The following GPR101 variants were observed in gnomAD, a reference collection of about 807,000 sequenced individuals.
GPR101 encodes the protein probable G protein-coupled receptor 101.
Under a neutral mutation model 16.4 loss-of-function variants are expected in GPR101, and 8 were observed. The observed-to-expected ratio is 0.49, with a 90% CI of 0.29 to 0.88. GPR101 has a LOEUF of 0.88. Among genes scored for constraint, GPR101 ranks in the 40% least tolerant of loss-of-function variants. GPR101 has a pLI of 0.09. For missense variants in GPR101, 375 were observed against 411.7 expected, an observed-to-expected ratio of 0.91 and a Z score of 0.77; for synonymous variants, 155 against 168.7, an observed-to-expected ratio of 0.92 and a Z score of 0.63.
rs181772834 is a variant in GPR101, at chrX:137,025,922, C to A, written c.*4226G>T. Among the ~76,000 whole-genome samples, 76 of 112,739 alleles carry A rather than the reference C, an allele frequency of 6.7e-4. No individual in the cohort carries two copies. Among genetic ancestry groups the A allele is most frequent in the East Asian group, 1.4e-3 (5 of 3,588 alleles). On this transcript the variant is annotated 3_prime_UTR_variant, in exon 2 of 2. Transcript: ENST00000651716. The stretch of plus-strand genomic sequence containing the variant: ...TGGAAAGAATTTATGACAAGGATTT[C>A]TCTTCTTTTTGGATTTTAGACTATC...
Position 137,028,214 on chromosome X carries a change from G to C in GPR101, c.*1934C>G, listed in dbSNP as rs1927196046. ...TACAAGTTCCAAATTAATGGAGTTG[G>C]AATTAATAAGGTTATCATGGTATTT... On this transcript the variant is annotated 3_prime_UTR_variant, in exon 2 of 2. Coordinates refer to ENST00000651716, the MANE Select transcript of GPR101 (RefSeq NM_054021.2). Among the ~76,000 whole-genome samples, 1 of 112,049 alleles carries C rather than the reference G, an allele frequency of 8.9e-6. No individual in the cohort carries two copies. The highest frequency in any genetic ancestry group is 3.7e-4 in the South Asian group (1 of 2,677).
In GPR101 at chrX:137,031,162, G is replaced by A. The variant is rs766310257; in HGVS notation, c.513C>T (p.Gly171=). ...CATTGCGCTCATCAAAGGCAGCCTG[G>A]CCCCAGCCGTAGAGTGGAGGAGTGC... ...LQSTPPLYGW[G]QAAFDERNAL... Residue 171 remains glycine (G), a synonymous_variant, in exon 2 of 2, where the codon GGC becomes GGT. Coordinates refer to ENST00000651716, the MANE Select transcript of GPR101 (RefSeq NM_054021.2). 5 of 1,210,307 alleles carry A rather than the reference G, an allele frequency of 4.1e-6. No individual in the cohort carries two copies. The highest frequency in any genetic ancestry group is 3.0e-5 in the East Asian group (1 of 33,761).
In GPR101 at chrX:137,030,310, G is replaced by A. The variant is rs1927233583; in HGVS notation, c.1365C>T (p.Gly455=). Residue 455 remains glycine (G), a synonymous_variant, in exon 2 of 2, where the codon GGC becomes GGT. Transcript: ENST00000651716. ...LQCCIHPYVY[G]YMHKTIKKEI... The stretch of plus-strand genomic sequence containing the variant: ...CCTTCTTAATGGTCTTGTGCATGTA[G>A]CCATAGACATAGGGGTGGATGCAGC... 1.7e-6 allele frequency: 2 copies of A among 1,211,223 alleles called. No homozygotes were observed. Among genetic ancestry groups the A allele is most frequent in the Middle Eastern group, 4.6e-4 (2 of 4,354 alleles).
At position 137,031,396 on chromosome X, in the gene GPR101, C is replaced by A. The variant is rs749221345; in HGVS notation, c.279G>T (p.Val93=). The A allele has an allele frequency of 8.4e-7, 1 of 1,191,524 alleles. No homozygotes were observed. The change falls in exon 2 of 2, where the codon GTG becomes GTT. Residue 93 remains valine, a synonymous_variant. Coordinates refer to ENST00000651716, the MANE Select transcript of GPR101 (RefSeq NM_054021.2). Reference sequence around the variant, plus strand: ...GGCTGTTGAGGGGCCAGAAGAGAGGCACAGAGGTGGCCACCACCCAGGGGG... The same window carrying A: ...GGCTGTTGAGGGGCCAGAAGAGAGGAACAGAGGTGGCCACCACCCAGGGGG... ...LVAPWVVATS[V]PLFWPLNSHF...
At position 137,030,901 on chromosome X, in the gene GPR101, A is replaced by G; in HGVS notation, c.774T>C (p.Asp258=). The G allele has an allele frequency of 2.5e-6, 3 of 1,210,789 alleles. No homozygotes were observed. Among genetic ancestry groups the G allele is most frequent in the Non-Finnish European group, 3.4e-6 (3 of 895,251 alleles). ...EGAEKKEEFQ[D]ESEFRRQHEG... ...CATGCTGGCGGCGAAACTCACTCTC[A>G]TCCTGGAACTCCTCCTTCTTCTCTG... is the stretch of plus-strand genomic sequence containing the variant. The change falls in exon 2 of 2, where the codon GAT becomes GAC. Residue 258 remains aspartate, a synonymous_variant. Transcript: ENST00000651716.
Position 137,031,000 on chromosome X carries a change from C to T in GPR101, c.675G>A (p.Leu225=), listed in dbSNP as rs781683243. The T allele has an allele frequency of 8.2e-7, 1 of 1,212,265 alleles. No individual in the cohort carries two copies. Among genetic ancestry groups the T allele is most frequent in the South Asian group, 1.8e-5 (1 of 57,024 alleles). ...AGCTGTGTCTCTTGACATTGTACAGCAGAGCATGCTGCCTCCGGGCTGCAC... is the reference window on the plus strand; with the variant it reads ...AGCTGTGTCTCTTGACATTGTACAGTAGAGCATGCTGCCTCCGGGCTGCAC... ...VFCAARRQHA[L]LYNVKRHSLE... is the part of the protein sequence containing the mutation. Residue 225 remains leucine (L), a synonymous_variant, in exon 2 of 2, where the codon CTG becomes CTA. Transcript: ENST00000651716.
Position 137,030,226 on chromosome X carries a change from G to C in GPR101, c.1449C>G (p.Ser483Arg), listed in dbSNP as rs759197265. 7 of 1,210,458 alleles carry C rather than the reference G, an allele frequency of 5.8e-6. No homozygotes were observed. The highest frequency in any genetic ancestry group is 6.7e-6 in the Non-Finnish European group (6 of 894,825). ...CCTCTGTTCCGGGCAGGTCTGGGTG[G>C]CTATCTTCTTTCGGGGGCTTTTCCT... Reference protein sequence around the residue: ...FCKEKPPKEDSHPDLPGTEGG... With the variant: ...FCKEKPPKEDRHPDLPGTEGG... Residue 483 changes from serine to arginine, a missense_variant, in exon 2 of 2, where the codon AGC becomes AGG. Transcript: ENST00000651716.
In GPR101 at chrX:137,030,709, T is replaced by G. The variant is rs780748438; in HGVS notation, c.966A>C (p.Glu322Asp). ...VASDGSMEGK[E>D]GSTKVEENSM... ...TGTTCTCCTCAACTTTGGTGCTGCCTTCCTTACCCTCCATGCTGCCGTCGC... is the reference window on the plus strand; with the variant it reads ...TGTTCTCCTCAACTTTGGTGCTGCCGTCCTTACCCTCCATGCTGCCGTCGC... Residue 322 changes from glutamate to aspartate, a missense_variant, in exon 2 of 2, where the codon GAA (glutamate) becomes GAC (aspartate). Coordinates refer to ENST00000651716, the MANE Select transcript of GPR101 (RefSeq NM_054021.2). The G allele has an allele frequency of 6.6e-6, 8 of 1,211,368 alleles. No individual in the cohort carries two copies. The highest frequency in any genetic ancestry group is 8.9e-6 in the Non-Finnish European group (8 of 895,368).
rs144787779 is a variant in GPR101 at position 137,031,408 on chromosome X, C to T, written c.267G>A (p.Val89=). ...GCCAGAAGAGAGGCACAGAGGTGGC[C>T]ACCACCCAGGGGGCCACGAGCGAAA... ...LQISLVAPWV[V]ATSVPLFWPL... The change falls in exon 2 of 2, where the codon GTG becomes GTA. Residue 89 remains valine (V), a synonymous_variant. Coordinates refer to ENST00000651716, the MANE Select transcript of GPR101 (RefSeq NM_054021.2). The T allele has an allele frequency of 1.5e-3, 1,754 of 1,189,070 alleles. 1 individual carries two copies. Among genetic ancestry groups the T allele is most frequent in the Non-Finnish European group, 1.9e-3 (1,637 of 883,937 alleles).
Position 137,031,773 on chromosome X carries a change from A to G in GPR101, c.-92-7T>C. On this transcript the variant is annotated splice_region_variant and splice_polypyrimidine_tract_variant and intron_variant, in intron 1 of 1. Coordinates refer to ENST00000651716, the MANE Select transcript of GPR101 (RefSeq NM_054021.2). ...ACCGCACTCAGTGCCTATGCTGGTG[A>G]CAAAAGAAACACGCAGGCAGAGTTA... The G allele has an allele frequency of 1.5e-6, 1 of 680,146 alleles. No individual in the cohort carries two copies. Among genetic ancestry groups the G allele is most frequent in the Non-Finnish European group, 2.1e-6 (1 of 469,772 alleles). 56.1% of individuals were successfully genotyped at this position (680,146 alleles called of 1,213,427 possible). A position where few individuals can be genotyped will look rare whatever the true frequency, so the allele number is the denominator to read the frequency against.
Position 137,031,780 on chromosome X carries a change from A to G in GPR101, c.-92-14T>C, listed in dbSNP as rs1927272761. ...TCAGTGCCTATGCTGGTGACAAAAG[A>G]AACACGCAGGCAGAGTTAGTCACCC... On this transcript the variant is annotated splice_polypyrimidine_tract_variant and intron_variant, in intron 1 of 1. Coordinates refer to ENST00000651716, the MANE Select transcript of GPR101 (RefSeq NM_054021.2). 1.5e-6 allele frequency: 1 copy of G among 663,819 alleles called. No homozygotes were observed. Among genetic ancestry groups the G allele is most frequent in the Non-Finnish European group, 2.2e-6 (1 of 454,687 alleles). The allele number at this position is 663,819 out of a possible 1,213,427, so 54.7% of individuals were successfully genotyped here. A position where few individuals can be genotyped will look rare whatever the true frequency, so the allele number is the denominator to read the frequency against.
In GPR101 at chrX:137,031,214, C is replaced by A. The variant is rs1217869163; in HGVS notation, c.461G>T (p.Gly154Val). ...TQRRGYLLLYGTWIVAILQST... is the reference protein window; with the variant it reads ...TQRRGYLLLYVTWIVAILQST... Reference sequence around the variant, plus strand: ...CTGCAGGATGGCCACAATCCAGGTGCCATAGAGGAGCAGGTAACCGCGGCG... The same window carrying A: ...CTGCAGGATGGCCACAATCCAGGTGACATAGAGGAGCAGGTAACCGCGGCG... Residue 154 changes from glycine to valine, a missense_variant, in exon 2 of 2, where the codon GGC becomes GTC. Physicochemically the swap from Gly to Val is moderately radical, Grantham distance 109. Coordinates refer to ENST00000651716, the MANE Select transcript of GPR101 (RefSeq NM_054021.2). 1 of 1,211,769 alleles carries A rather than the reference C, an allele frequency of 8.3e-7. No individual in the cohort carries two copies. Among genetic ancestry groups the A allele is most frequent in the Admixed American group, 2.2e-5 (1 of 46,111 alleles).
chrX:137,030,784 A>C lies in GPR101; in HGVS notation c.891T>G (p.Ser297Arg), dbSNP rs760514219. The change falls in exon 2 of 2, where the codon AGT becomes AGG. Residue 297 changes from serine (S) to arginine (R), a missense_variant. Transcript: ENST00000651716. Reference protein sequence around the residue: ...KEGSTGTSESSVEARGSEEVR... With the variant: ...KEGSTGTSESRVEARGSEEVR... ...CCTCCTCGCTGCCCCTGGCCTCTAC[A>C]CTACTCTCACTGGTCCCCGTGCTTC... The C allele has an allele frequency of 1.7e-6, 2 of 1,210,434 alleles. No homozygotes were observed. The highest frequency in any genetic ancestry group is 2.2e-6 in the Non-Finnish European group (2 of 895,170).
At chrX:137,033,486 A>G (rs1302263255) in intron 1 of GPR101, among the ~76,000 whole-genome samples, 3 of 109,087 alleles carry the variant, frequency 2.8e-5, no homozygotes, top group African/African-American at 1.0e-4. Flanking sequence ...AGAGCAAGAC[A>G]GACTGGGAGA....
rs1335068058 is a variant in GPR101 at position 137,029,998 on chromosome X, T to A, written c.*150A>T. 1 of 444,708 alleles carries A rather than the reference T, an allele frequency of 2.2e-6. No homozygotes were observed. The highest frequency in any genetic ancestry group is 4.8e-5 in the Admixed American group (1 of 20,828). The allele number at this position is 444,708 out of a possible 1,213,427, so 36.6% of individuals were successfully genotyped here. ...CCCCAGTTCCTGCCTCTTCTATATATTTATCTACCTTGTGGTGAAGAGCAT... is the reference window on the plus strand; with the variant it reads ...CCCCAGTTCCTGCCTCTTCTATATAATTATCTACCTTGTGGTGAAGAGCAT... On this transcript the variant is annotated 3_prime_UTR_variant, in exon 2 of 2. Coordinates refer to ENST00000651716, the MANE Select transcript of GPR101 (RefSeq NM_054021.2).
At chrX:137,033,484 A>G (rs1434172206) in intron 1 of GPR101, among the ~76,000 whole-genome samples, 2 of 109,059 alleles carry the variant, frequency 1.8e-5, no homozygotes, top group Non-Finnish European at 1.9e-5. Flanking sequence ...AGAGAGCAAG[A>G]CAGACTGGGA....
rs752374550 is a variant in GPR101, at chrX:137,029,179, C to CT, written c.*968dup. Among the ~76,000 whole-genome samples the CT allele has an allele frequency of 2.7e-3, 304 of 112,380 alleles. No homozygotes were observed. The highest frequency in any genetic ancestry group is 4.6e-3 in the Middle Eastern group (1 of 217). ...ACTTAGGCCACTTCTAGTTGAATTT[C>CT]TTTTTTTCTGTAAATACTGTTTGAC... On this transcript the variant is annotated 3_prime_UTR_variant, in exon 2 of 2. Transcript: ENST00000651716.
rs781612893 is a variant in GPR101 at position 137,030,847 on chromosome X, T to C, written c.828A>G (p.Arg276=). Reference sequence around the variant, plus strand: ...TCAGGCTGCCGTCCTTGGCTTCCATTCTGCCCTCCTTGGCCTTGACCTCAC... The same window carrying C: ...TCAGGCTGCCGTCCTTGGCTTCCATCCTGCCCTCCTTGGCCTTGACCTCAC... ...HEGEVKAKEG[R]MEAKDGSLKA... is the part of the protein sequence containing the mutation. Residue 276 remains arginine, a synonymous_variant, in exon 2 of 2, where the codon AGA becomes AGG. Transcript: ENST00000651716. 6.6e-6 allele frequency: 8 copies of C among 1,209,537 alleles called. No homozygotes were observed. Among genetic ancestry groups the C allele is most frequent in the Non-Finnish European group, 8.9e-6 (8 of 895,135 alleles).
Position 137,028,442 on chromosome X carries a change from CTT to C in GPR101, c.*1704_*1705del, listed in dbSNP as rs1326070236. 5.4e-5 allele frequency among the ~76,000 whole-genome samples: 6 copies of C among 111,824 alleles called. No homozygotes were observed. The highest frequency in any genetic ancestry group is 3.7e-4 in the South Asian group (1 of 2,687). ...GAGCTGGGCATTTATTTAAATGAAA[CTT>C]GAGTTCTAATAAAGGCATGACAATC... On this transcript the variant is annotated 3_prime_UTR_variant, in exon 2 of 2. Coordinates refer to ENST00000651716, the MANE Select transcript of GPR101 (RefSeq NM_054021.2).
Sources: gnomAD v4.1 joint callset for allele counts (sites outside exome capture counted in the v4.1 genomes callset) on GRCh38, gnomAD v4.1.1 for gene constraint, MANE v1.5 for transcripts, NCBI Gene and HGNC (gene_info 2026-07-23, HGNC 2026-07-21) for gene names.